Variants in ARFGEF1 observed in about 807,000 individuals in gnomAD.
ARFGEF1 encodes brefeldin A-inhibited guanine nucleotide-exchange protein 1.
A neutral mutation model predicts 231.0 loss-of-function variants in ARFGEF1; 42 were observed. The ratio of observed to expected loss-of-function variants is 0.18; its 90% CI spans 0.14 to 0.24. The LOEUF (loss-of-function observed/expected upper bound fraction) is 0.24, where lower values mean the gene tolerates loss of function less well. ARFGEF1 is among the 10% of genes least tolerant of loss of function. The pLI, the probability that ARFGEF1 is intolerant of heterozygous loss-of-function variation, is 1.00. For synonymous variants in ARFGEF1, 710 were observed against 732.3 expected (o/e 0.97, Z 0.49); for missense variants, 1,345 against 2,192.0 (o/e 0.61, Z 7.72).
Position 67,198,598 on chromosome 8 carries a change from T to C in ARFGEF1, c.*336A>G. ...AGTTGTACTTCTTGTAGAAGTTCAA[T>C]CTTTACATCTATAGTTCTTTGGGTA... On this transcript the variant is annotated 3_prime_UTR_variant, in exon 39 of 39. Transcript: ENST00000262215. 1 of 1,036,596 alleles carries C rather than the reference T, an allele frequency of 9.6e-7. No homozygotes were observed. The highest frequency in any genetic ancestry group is 1.2e-6 in the Non-Finnish European group (1 of 863,874). 64.2% of individuals were successfully genotyped at this position (1,036,596 alleles called of 1,614,324 possible).
chr8:67,194,829 C>T (rs1837477940), downstream of ARFGEF1, among the ~76,000 whole-genome samples: 1 of 152,102 alleles, frequency 6.6e-6, no homozygotes. Context: ...GCAAGAGCTA[C>T]CTCTTCATTG....
At position 67,343,735 on chromosome 8, in the gene ARFGEF1, GCCC is replaced by G. The variant is rs1329527166; in HGVS notation, c.-451_-449del. The G allele has an allele frequency of 9.1e-6, 4 of 440,688 alleles. No individual in the cohort carries two copies. The highest frequency in any genetic ancestry group is 1.2e-5 in the Non-Finnish European group (4 of 330,894). 27.3% of individuals were successfully genotyped at this position (440,688 alleles called of 1,614,324 possible). On this transcript the variant is annotated 5_prime_UTR_variant, in exon 1 of 39. Coordinates refer to ENST00000262215, the MANE Select transcript of ARFGEF1 (RefSeq NM_006421.5). ...TAGCACCCGCCGCGGCCGCGAACTG[GCCC>G]CCATCACCGCCGACCTGCCCCGGCC...
rs376228822 is a variant in ARFGEF1 at position 67,244,316 on chromosome 8, G to GT, written c.2851-4027dup. Among the ~76,000 whole-genome samples, 178 of 49,384 alleles carry GT rather than the reference G, an allele frequency of 3.6e-3. 7 individuals are homozygous for GT. Among genetic ancestry groups the GT allele is most frequent in the African/African-American group, 0.015 (164 of 11,058 alleles). 32.4% of individuals were successfully genotyped at this position (49,384 alleles called of 152,430 possible). A position where few individuals can be genotyped will look rare whatever the true frequency, so the allele number is the denominator to read the frequency against. On this transcript the variant is annotated intron_variant, in intron 19 of 38. Transcript: ENST00000262215. ...TCTCTCTCTCTCTGTTGTTGTTGTT[G>GT]TTTTTTTTTTTTTTTTTGAGGATCT... is the stretch of plus-strand genomic sequence containing the variant.
At chr8:67,216,736 G>T in intron 32 of ARFGEF1, 74 bp from the exon 33 acceptor site, 2 of 1,147,800 alleles carry the variant, frequency 1.7e-6, no homozygotes, top group Non-Finnish European at 2.5e-6. Flanking sequence ...TTTGAAATGG[G>T]CCCAAGAAAG....
chr8:67,259,945 G>A lies in ARFGEF1; in HGVS notation c.2124-19C>T. ...ATTAAATCTAGATGATGTTAAATAAGAACATTAAAAATAGAAAACCATTCG... is the reference window on the plus strand; with the variant it reads ...ATTAAATCTAGATGATGTTAAATAAAAACATTAAAAATAGAAAACCATTCG... On this transcript the variant is annotated intron_variant, in intron 14 of 38. Coordinates refer to ENST00000262215, the MANE Select transcript of ARFGEF1 (RefSeq NM_006421.5). 6.6e-7 allele frequency: 1 copy of A among 1,518,038 alleles called. No homozygotes were observed. Among genetic ancestry groups the A allele is most frequent in the Non-Finnish European group, 9.0e-7 (1 of 1,109,782 alleles). The allele number at this position is 1,518,038 out of a possible 1,614,324, so 94.0% of individuals were successfully genotyped here. A position where few individuals can be genotyped will look rare whatever the true frequency, so the allele number is the denominator to read the frequency against.
chr8:67,295,038 T>A (rs999430504), intron 5 of ARFGEF1, among the ~76,000 whole-genome samples: 8 of 152,076 alleles, frequency 5.3e-5, no homozygotes, highest in Non-Finnish European at 1.2e-4. Context: ...GTGTAATAAT[T>A]TGGGCAACAA....
chr8:67,289,549 C>CAAAAAAAAAAAAAAA (rs552601455), intron 6 of ARFGEF1, among the ~76,000 whole-genome samples: 1 of 44,836 alleles, frequency 2.2e-5, no homozygotes, highest in African/African-American at 7.1e-5. Flanking sequence ...ACTCTGTATC[C>CAAAAAAAAAAAAAAA]AAAAAAAAAA....
At chr8:67,283,848 G>A (rs1031259171) in intron 7 of ARFGEF1, among the ~76,000 whole-genome samples, 2 of 152,132 alleles carry the variant, frequency 1.3e-5, no homozygotes, top group Non-Finnish European at 2.9e-5. Flanking sequence ...ACCAGCTGTG[G>A]AGAGAAAGGC....
intron 8 of ARFGEF1, among the ~76,000 whole-genome samples, chr8:67,276,806 T>C (rs979606621): frequency 1.3e-5 from 2 of 152,162 alleles, no homozygotes; most frequent in Non-Finnish European, 2.9e-5. Context: ...TTTTGGACTG[T>C]CTGCATTATA....
chr8:67,213,974 T>C (rs1838838011), intron 33 of ARFGEF1, among the ~76,000 whole-genome samples: 1 of 152,202 alleles, frequency 6.6e-6, no homozygotes, highest in Admixed American at 6.5e-5. Context: ...AATGTGGCTG[T>C]AACAAACACC....
chr8:67,290,056 G>T (rs143051382), intron 6 of ARFGEF1, among the ~76,000 whole-genome samples: 45 of 152,250 alleles, frequency 3.0e-4, no homozygotes, highest in African/African-American at 1.1e-3. Context: ...CCAAAGTCAC[G>T]CAGCTGGTAA....
intron 1 of ARFGEF1, among the ~76,000 whole-genome samples, chr8:67,306,298 T>A (rs1806742843): frequency 6.6e-6 from 1 of 152,206 alleles, no homozygotes; most frequent in African/African-American, 2.4e-5. Flanking sequence ...AAGATTCACA[T>A]CCTGGGTGGG....
At chr8:67,201,226 T>C (rs1838315934) in intron 37 of ARFGEF1, among the ~76,000 whole-genome samples, 1 of 152,178 alleles carries the variant, frequency 6.6e-6, no homozygotes, top group Non-Finnish European at 1.5e-5. Flanking sequence ...ATAAATGATA[T>C]CATAGTTCAC....
In ARFGEF1 at chr8:67,340,923, G is replaced by A. The variant is rs140058958; in HGVS notation, c.124+2241C>T. Among the ~76,000 whole-genome samples, 39 of 152,278 alleles carry A rather than the reference G, an allele frequency of 2.6e-4. No individual in the cohort carries two copies. In the East Asian group the frequency reaches 4.1e-3, roughly 16 times the overall value. On this transcript the variant is annotated intron_variant, in intron 1 of 38. Transcript: ENST00000262215. Reference sequence around the variant, plus strand: ...AGAAATGGCAAGGACCATTTAGAGCGCTATAGGCCCTCTAAAGATGATGCT... The same window carrying A: ...AGAAATGGCAAGGACCATTTAGAGCACTATAGGCCCTCTAAAGATGATGCT...
At chr8:67,290,547 G>C (rs992229534) in intron 6 of ARFGEF1, among the ~76,000 whole-genome samples, 1 of 152,156 alleles carries the variant, frequency 6.6e-6, no homozygotes, top group African/African-American at 2.4e-5. Flanking sequence ...AGTATGCTAA[G>C]ATCACACTAA....
intron 34 of ARFGEF1, chr8:67,206,967 T>G (rs574425853): frequency 3.1e-4 from 47 of 152,348 alleles, no homozygotes; most frequent in African/African-American, 1.0e-3. Flanking sequence ...AAAAATAACT[T>G]ACTTTCATTT....
Position 67,343,557 on chromosome 8 carries a change from C to A in ARFGEF1, c.-270G>T, listed in dbSNP as rs1437009740. ...CCTCCGCTTCTCCCGGCCCGGGGGT[C>A]GCGTCCCGGCCGCCCCTCTCACTCG... On this transcript the variant is annotated 5_prime_UTR_variant, in exon 1 of 39. Coordinates refer to ENST00000262215, the MANE Select transcript of ARFGEF1 (RefSeq NM_006421.5). 1 of 1,132,598 alleles carries A rather than the reference C, an allele frequency of 8.8e-7. No individual in the cohort carries two copies. The highest frequency in any genetic ancestry group is 1.6e-5 in the African/African-American group (1 of 61,192). The allele number at this position is 1,132,598 out of a possible 1,614,324, so 70.2% of individuals were successfully genotyped here. A position where few individuals can be genotyped will look rare whatever the true frequency, so the allele number is the denominator to read the frequency against.
At chr8:67,260,415 T>C (rs1421596468) in intron 14 of ARFGEF1, among the ~76,000 whole-genome samples, 3 of 152,230 alleles carry the variant, frequency 2.0e-5, no homozygotes. Flanking sequence ...TTTGTATCTG[T>C]GTCACATTTT....
intron 8 of ARFGEF1, 111 bp downstream of exon 8, chr8:67,277,171 A>C: frequency 1.8e-6 from 2 of 1,117,238 alleles, no homozygotes; most frequent in Non-Finnish European, 2.5e-6. Context: ...CCCAAACTAA[A>C]TAAAAATCAG....
Sources: gnomAD v4.1 joint callset for allele counts (sites outside exome capture counted in the v4.1 genomes callset) on GRCh38, gnomAD v4.1.1 for gene constraint, MANE v1.5 for transcripts, NCBI Gene and HGNC (gene_info 2026-07-23, HGNC 2026-07-21) for gene names.